Variants in MON2 observed in about 807,000 individuals in gnomAD.
MON2 encodes the protein MON2 regulator of endosome-to-Golgi trafficking.
Under a neutral mutation model 208.6 loss-of-function variants are expected in MON2, and 84 were observed. The observed-to-expected ratio is 0.40, with a 90% CI of 0.34 to 0.48. The LOEUF is 0.48. Ranked by LOEUF, MON2 falls within the 20% of genes least tolerant of loss-of-function variation. The pLI, the probability that MON2 is intolerant of heterozygous loss-of-function variation, is 0.59. For missense variants in MON2, 1,611 were observed against 2,015.4 expected (o/e 0.80, Z 3.84); for synonymous variants, 660 against 694.0 (o/e 0.95, Z 0.77).
intron 11 of MON2, among the ~76,000 whole-genome samples, chr12:62,530,422 A>C (rs551384593): frequency 6.6e-6 from 1 of 151,634 alleles, no homozygotes. Context: ...TAGTAGAGAC[A>C]GGGTTTCACC....
chr12:62,511,542 G>T (rs2071398371), intron 8 of MON2, among the ~76,000 whole-genome samples: 1 of 152,148 alleles, frequency 6.6e-6, no homozygotes, highest in Admixed American at 6.6e-5. Context: ...ATTATGCTGG[G>T]AAAACCGGAT....
intron 7 of MON2, among the ~76,000 whole-genome samples, chr12:62,504,383 C>T (rs1314383763): frequency 6.6e-6 from 1 of 151,318 alleles, no homozygotes; most frequent in Non-Finnish European, 1.5e-5. Flanking sequence ...TAGTTGGGAC[C>T]ACAGGTGCCC....
rs143747810 is a variant in MON2 at position 62,500,183 on chromosome 12, G to A, written c.566-600G>A. ...CCATTTAATACTTTATAGTAAGGTAGAAATACTTAGAACTTTTTTCTTTTC... is the reference window on the plus strand; with the variant it reads ...CCATTTAATACTTTATAGTAAGGTAAAAATACTTAGAACTTTTTTCTTTTC... On this transcript the variant is annotated intron_variant, in intron 5 of 34. Transcript: ENST00000393630. Among the ~76,000 whole-genome samples the A allele has an allele frequency of 4.6e-3, 704 of 152,228 alleles. 6 individuals carry two copies. Among genetic ancestry groups the A allele is most frequent in the African/African-American group, 0.016 (653 of 41,540 alleles).
At chr12:62,487,552 C>T (rs978490424) in intron 2 of MON2, among the ~76,000 whole-genome samples, 1 of 151,790 alleles carries the variant, frequency 6.6e-6, no homozygotes, top group Non-Finnish European at 1.5e-5. Context: ...ATGTTGTTCC[C>T]TCATCTTCTT....
At position 62,544,937 on chromosome 12, in the gene MON2, G is replaced by A. The variant is rs747165575; in HGVS notation, c.2506G>A (p.Ala836Thr). ...AAACTCTCGAATGAGAGAATGGGGA[G>A]CAGAAGCTTTAACTTCTCTTATTAA... ...HPNSRMREWG[A>T]EALTSLIKAG... The change falls in exon 21 of 35, where the codon GCA becomes ACA. Residue 836 changes from alanine (A) to threonine (T), a missense_variant. Ala to Thr is a moderately conservative substitution (Grantham distance 58, BLOSUM62 0). Coordinates refer to ENST00000393630, the MANE Select transcript of MON2 (RefSeq NM_015026.3). 1 of 1,609,044 alleles carries A rather than the reference G, an allele frequency of 6.2e-7. No individual in the cohort carries two copies. The highest frequency in any genetic ancestry group is 1.3e-5 in the African/African-American group (1 of 74,850).
In MON2 at chr12:62,545,046, A is replaced by T. The variant is rs769980020; in HGVS notation, c.2577+38A>T. On this transcript the variant is annotated intron_variant, in intron 21 of 34. Transcript: ENST00000393630. ...TTACTTTTTAAAAAGAATACTCAAT[A>T]TAAAATTATCCTCCTCCATATGTGA... The T allele has an allele frequency of 9.0e-6, 12 of 1,330,806 alleles. No individual in the cohort carries two copies. In the African/African-American group the frequency reaches 1.3e-4, roughly 15 times the overall value. The allele number at this position is 1,330,806 out of a possible 1,614,324, so 82.4% of individuals were successfully genotyped here.
At position 62,600,068 on chromosome 12, in the gene MON2, A is replaced by G. The variant is rs2075594739; in HGVS notation, c.*7319A>G. On this transcript the variant is annotated 3_prime_UTR_variant, in exon 35 of 35. Coordinates refer to ENST00000393630, the MANE Select transcript of MON2 (RefSeq NM_015026.3). ...ATGCAAATCCCAACTCTGTTATTTT[A>G]CTAAATGTGTGACCTTGGGCAAGTT... 6.6e-6 allele frequency: 1 copy of G among 152,230 alleles called. No individual in the cohort carries two copies. The highest frequency in any genetic ancestry group is 6.5e-5 in the Admixed American group (1 of 15,284). The allele number at this position is 152,230 out of a possible 1,614,324, so 9.4% of individuals were successfully genotyped here. A position where few individuals can be genotyped will look rare whatever the true frequency, so the allele number is the denominator to read the frequency against.
Position 62,532,697 on chromosome 12 carries a change from T to C in MON2, c.1633+27T>C, listed in dbSNP as rs536551015. Reference sequence around the variant, plus strand: ...TATGAGTCTGTATTTTTAATTTTTATTGGAAATAATTTGAAATTTACAATT... The same window carrying C: ...TATGAGTCTGTATTTTTAATTTTTACTGGAAATAATTTGAAATTTACAATT... On this transcript the variant is annotated intron_variant, in intron 12 of 34. Coordinates refer to ENST00000393630, the MANE Select transcript of MON2 (RefSeq NM_015026.3). The C allele has an allele frequency of 5.4e-5, 84 of 1,547,480 alleles. 1 individual carries two copies. In the South Asian group the frequency reaches 8.7e-4, roughly 16 times the overall value.
At chr12:62,553,462 A>G (rs1270769668) in intron 24 of MON2, 3 of 269,958 alleles carry the variant, frequency 1.1e-5, no homozygotes. Context: ...CCCAAATGGT[A>G]AAAACCAGGA....
intron 7 of MON2, among the ~76,000 whole-genome samples, chr12:62,502,407 TA>T (rs549207731): frequency 5.3e-3 from 720 of 135,082 alleles, no homozygotes; most frequent in Middle Eastern, 7.6e-3. Flanking sequence ...TTTCTTAAAT[TA>T]AAAAAAAAAA....
chr12:62,528,907 G>A (rs1392330830), intron 11 of MON2, among the ~76,000 whole-genome samples: 1 of 152,064 alleles, frequency 6.6e-6, no homozygotes, highest in East Asian at 1.9e-4. Context: ...TGTTAAATAG[G>A]TAAACATGTG....
At chr12:62,571,009 C>A (rs191945097) in intron 29 of MON2, among the ~76,000 whole-genome samples, 1 of 152,040 alleles carries the variant, frequency 6.6e-6, no homozygotes, top group Non-Finnish European at 1.5e-5. Flanking sequence ...CGATTACAGG[C>A]GTGAGCCACC....
chr12:62,488,426 A>G (rs1262420311), intron 2 of MON2, among the ~76,000 whole-genome samples: 2 of 152,198 alleles, frequency 1.3e-5, no homozygotes, highest in African/African-American at 2.4e-5. Context: ...ATTCGGATAC[A>G]CTATTGAAGT....
chr12:62,588,347 AT>A (rs2075285537), intron 34 of MON2, among the ~76,000 whole-genome samples, 191 bp downstream of exon 34: 1 of 150,044 alleles, frequency 6.7e-6, no homozygotes, highest in African/African-American at 2.5e-5. Flanking sequence ...TGATGTTTTC[AT>A]TTTTTATGAA....
chr12:62,578,503 G>A lies in MON2; in HGVS notation c.4573G>A (p.Glu1525Lys), dbSNP rs1444398197. The change falls in exon 31 of 35, where the codon GAG becomes AAG. Residue 1525 changes from glutamate to lysine, a missense_variant and splice_region_variant. Physicochemically the swap from Glu to Lys is moderately conservative, Grantham distance 56 (BLOSUM62 1). Transcript: ENST00000393630. ...TCAAAGAAATGAAAATATTGATGTC[G>A]AGGTAAGGAGGCTATTTAAAATGTT... ...EFQRNENIDV[E>K]VVQLISNEIL... 6.0e-6 allele frequency: 9 copies of A among 1,492,764 alleles called. No individual in the cohort carries two copies. The highest frequency in any genetic ancestry group is 2.1e-4 in the Middle Eastern group (1 of 4,736). The allele number at this position is 1,492,764 out of a possible 1,614,324, so 92.5% of individuals were successfully genotyped here.
At chr12:62,543,460 G>A (rs1024974124) in intron 20 of MON2, among the ~76,000 whole-genome samples, 3 of 152,162 alleles carry the variant, frequency 2.0e-5, no homozygotes, top group Non-Finnish European at 4.4e-5. Flanking sequence ...GTTACCTTGA[G>A]ATGCCTTTCT....
At chr12:62,541,005 G>A (rs931920580) in intron 19 of MON2, among the ~76,000 whole-genome samples, 5 of 152,188 alleles carry the variant, frequency 3.3e-5, no homozygotes, top group Non-Finnish European at 7.3e-5. Flanking sequence ...GTGTTCTTTA[G>A]GTGTGGCTTT....
chr12:62,470,136 C>T (rs1406326757), intron 1 of MON2, among the ~76,000 whole-genome samples: 2 of 151,796 alleles, frequency 1.3e-5, no homozygotes, highest in African/African-American at 2.4e-5. Flanking sequence ...CCAACTCCTG[C>T]GATTAGGCAA....
At chr12:62,551,120 G>A (rs931084713) in intron 23 of MON2, among the ~76,000 whole-genome samples, 2 of 151,824 alleles carry the variant, frequency 1.3e-5, no homozygotes, top group Admixed American at 6.6e-5. Context: ...AGCACTTTTC[G>A]TTTCCTTCAA....
Sources: gnomAD v4.1 joint callset for allele counts (sites outside exome capture counted in the v4.1 genomes callset) on GRCh38, gnomAD v4.1.1 for gene constraint, MANE v1.5 for transcripts, NCBI Gene and HGNC (gene_info 2026-07-23, HGNC 2026-07-21) for gene names.